Variants in ABCC9 observed in about 807,000 individuals in gnomAD.
The protein encoded by ABCC9 is ATP-binding cassette sub-family C member 9.
Under a neutral mutation model 188.3 loss-of-function variants are expected in ABCC9, and 95 were observed. The observed-to-expected ratio is 0.50, with a 90% CI of 0.43 to 0.60. ABCC9 has a LOEUF of 0.60. Among genes scored for constraint, ABCC9 ranks in the 20% least tolerant of loss-of-function variants. The pLI, the probability that ABCC9 is intolerant of heterozygous loss-of-function variation, is 0.00. For synonymous variants in ABCC9, 659 were observed against 652.7 expected, an observed-to-expected ratio of 1.01 and a Z score of -0.15; for missense variants, 1,102 against 1,876.3, an observed-to-expected ratio of 0.59 and a Z score of 7.62.
chr12:21,903,101 A>G lies in ABCC9; in HGVS notation c.1618+3025T>C, dbSNP rs560089065. Among the ~76,000 whole-genome samples, 18 of 152,304 alleles carry G rather than the reference A, an allele frequency of 1.2e-4. No homozygotes were observed. The South Asian group carries it at 3.7e-3, about 32-fold the overall frequency. ...TCAAAAATCTTATCCACCATGATCAAGTGGGCTTCATCCCTGGGATGCAAA... is the reference window on the plus strand; with the variant it reads ...TCAAAAATCTTATCCACCATGATCAGGTGGGCTTCATCCCTGGGATGCAAA... On this transcript the variant is annotated intron_variant, in intron 12 of 39. Coordinates refer to ENST00000261200, the MANE Select transcript of ABCC9 (RefSeq NM_020297.4).
intron 15 of ABCC9, among the ~76,000 whole-genome samples, chr12:21,883,770 A>G (rs888815817): frequency 2.6e-5 from 4 of 152,104 alleles, no homozygotes; most frequent in Admixed American, 6.5e-5. Context: ...CAGGAGATCC[A>G]TAAGTCTTAT....
chr12:21,864,333 A>C, intron 19 of ABCC9, 106 bp downstream of exon 19: 1 of 870,474 alleles, frequency 1.1e-6, no homozygotes, highest in Non-Finnish European at 1.9e-6. Flanking sequence ...AGCACACTTT[A>C]ATAAATAACT....
chr12:21,914,038 C>T (rs1163122035), intron 7 of ABCC9, among the ~76,000 whole-genome samples: 2 of 152,128 alleles, frequency 1.3e-5, no homozygotes, highest in African/African-American at 4.8e-5. Flanking sequence ...AATACTTTTC[C>T]CAGAGGTGAA....
chr12:21,915,027 A>G lies in ABCC9; in HGVS notation c.816+641T>C, dbSNP rs551734466. The stretch of plus-strand genomic sequence containing the variant: ...GCAATTCTCCTGCCTCAGCCTCCCA[A>G]GTAGCTGGGATTACAGGCATGCGTC... On this transcript the variant is annotated intron_variant, in intron 7 of 39. Transcript: ENST00000261200. Among the ~76,000 whole-genome samples the G allele has an allele frequency of 2.3e-3, 342 of 151,472 alleles. 1 individual carries two copies. The highest frequency in any genetic ancestry group is 0.01 in the Middle Eastern group (3 of 288).
chr12:21,881,707 AACACACAC>A (rs3062604), intron 16 of ABCC9, among the ~76,000 whole-genome samples: 17 of 148,268 alleles, frequency 1.1e-4, no homozygotes, highest in Middle Eastern at 3.5e-3. Context: ...CCTAGGGAAC[AACACACAC>A]ACACACACAC....
intron 29 of ABCC9, among the ~76,000 whole-genome samples, chr12:21,841,140 G>A (rs1449843644): frequency 6.6e-6 from 1 of 152,136 alleles, no homozygotes; most frequent in Non-Finnish European, 1.5e-5. Context: ...CACAATGAGT[G>A]CTTAGTATTT....
At chr12:21,886,462 C>T (rs1946879439) in intron 15 of ABCC9, among the ~76,000 whole-genome samples, 1 of 152,008 alleles carries the variant, frequency 6.6e-6, no homozygotes, top group African/African-American at 2.4e-5. Flanking sequence ...TCACAATATC[C>T]ACTGCAACTG....
intron 39 of ABCC9, among the ~76,000 whole-genome samples, chr12:21,802,404 C>CAAGAT (rs1941501834): frequency 6.6e-6 from 1 of 152,012 alleles, no homozygotes; most frequent in South Asian, 2.1e-4. Context: ...ATGGGAGCCA[C>CAAGAT]AAGTAATTTT....
chr12:21,845,842 AAAAACTTTTGTTT>A lies in ABCC9; in HGVS notation c.2867-23_2867-11del. ...TCCTCCTCTTCTTCCTCTACATACA[AAAAACTTTTGTTT>A]AAGCTTCAGATGGGCACCGGCTAGA... On this transcript the variant is annotated splice_polypyrimidine_tract_variant and intron_variant, in intron 25 of 39. Transcript: ENST00000261200. 1.2e-6 allele frequency: 2 copies of A among 1,610,820 alleles called. No individual in the cohort carries two copies. The highest frequency in any genetic ancestry group is 1.7e-6 in the Non-Finnish European group (2 of 1,178,988).
In ABCC9 at chr12:21,940,813, G is replaced by A. The variant is rs949585909; in HGVS notation, c.-124C>T. On this transcript the variant is annotated 5_prime_UTR_variant, in exon 2 of 40. Transcript: ENST00000261200. ...GTCTTAAGATGTAAATTTCAAACCC[G>A]GACGCAGAACTCCTAAAAAAAAGTA... 2.6e-5 allele frequency: 4 copies of A among 152,052 alleles called. No homozygotes were observed. Among genetic ancestry groups the A allele is most frequent in the Non-Finnish European group, 4.4e-5 (3 of 68,024 alleles). The allele number at this position is 152,052 out of a possible 1,614,324, so 9.4% of individuals were successfully genotyped here.
chr12:21,874,047 A>G (rs1946212772), intron 17 of ABCC9, among the ~76,000 whole-genome samples: 2 of 152,158 alleles, frequency 1.3e-5, no homozygotes, highest in Non-Finnish European at 2.9e-5. Flanking sequence ...AGCAAAGGAA[A>G]CAACAGAATG....
At position 21,844,293 on chromosome 12, in the gene ABCC9, CTGAGT is replaced by C. The variant is rs151192708; in HGVS notation, c.3315+185_3315+189del. ...TCTTCTTCTACATGTACAAATTAGT[CTGAGT>C]TAAGATTTTCCTTTAAGATTTCATT... On this transcript the variant is annotated intron_variant, in intron 28 of 39. Transcript: ENST00000261200. Among the ~76,000 whole-genome samples, 369 of 152,208 alleles carry C rather than the reference CTGAGT, an allele frequency of 2.4e-3. 1 individual carries two copies. The highest frequency in any genetic ancestry group is 8.4e-3 in the African/African-American group (349 of 41,534).
At chr12:21,807,245 T>C (rs943972332) in intron 38 of ABCC9, 101 bp downstream of exon 38, 2 of 1,502,878 alleles carry the variant, frequency 1.3e-6, no homozygotes, top group African/African-American at 1.4e-5. Flanking sequence ...CTCAAAACAA[T>C]AGTACTGAGG....
Position 21,800,149 on chromosome 12 carries a change from G to C in ABCC9, c.*895C>G, listed in dbSNP as rs959351629. 6.6e-6 allele frequency: 1 copy of C among 152,162 alleles called. No individual in the cohort carries two copies. Among genetic ancestry groups the C allele is most frequent in the African/African-American group, 2.4e-5 (1 of 41,432 alleles). The allele number at this position is 152,162 out of a possible 1,614,324, so 9.4% of individuals were successfully genotyped here. ...GTTTCATAGGAAATATCTCACACCT[G>C]AGAGGAATGTTCACCTGCCATTATT... On this transcript the variant is annotated 3_prime_UTR_variant, in exon 40 of 40. Transcript: ENST00000261200.
chr12:21,913,082 A>AG lies in ABCC9; in HGVS notation c.817-17dup. On this transcript the variant is annotated splice_polypyrimidine_tract_variant and intron_variant, in intron 7 of 39. Coordinates refer to ENST00000261200, the MANE Select transcript of ABCC9 (RefSeq NM_020297.4). ...CAACTTTTTTCTGAAGAAAAAAAAA[A>AG]GAAAAAAAAAACAGATGTAACAAAA... 1 of 1,579,814 alleles carries AG rather than the reference A, an allele frequency of 6.3e-7. No homozygotes were observed. The highest frequency in any genetic ancestry group is 1.2e-5 in the South Asian group (1 of 85,996).
At chr12:21,912,080 A>G (rs1358322632) in intron 8 of ABCC9, among the ~76,000 whole-genome samples, 2 of 152,008 alleles carry the variant, frequency 1.3e-5, no homozygotes, top group African/African-American at 2.4e-5. Flanking sequence ...TCAGATTCCA[A>G]CTAGGATGAT....
chr12:21,925,078 A>G (rs937090239), intron 5 of ABCC9: 1 of 154,482 alleles, frequency 6.5e-6, no homozygotes, highest in Non-Finnish European at 1.4e-5. Context: ...TCATTATACA[A>G]CAATCAAATA....
At chr12:21,846,075 T>G (rs368310399) in intron 25 of ABCC9, among the ~76,000 whole-genome samples, 1 of 152,204 alleles carries the variant, frequency 6.6e-6, no homozygotes, top group Admixed American at 6.5e-5. Context: ...TTTGCTGATT[T>G]ACTGCACATC....
chr12:21,895,391 G>T, intron 12 of ABCC9, 76 bp from the exon 13 acceptor site: 2 of 1,294,222 alleles, frequency 1.5e-6, no homozygotes, highest in Non-Finnish European at 2.2e-6. Flanking sequence ...ATCTATTATT[G>T]CTTTAACTTT....
Sources: allele counts gnomAD v4.1 joint callset (sites outside exome capture counted in the v4.1 genomes callset), GRCh38; gene constraint gnomAD v4.1.1; transcripts MANE v1.5; gene names NCBI Gene and HGNC (gene_info 2026-07-23, HGNC 2026-07-21).